The following OPCML variants were observed in gnomAD, a reference collection of about 807,000 sequenced individuals.
OPCML encodes opioid binding protein/cell adhesion molecule like.
Under a neutral mutation model 37.8 loss-of-function variants are expected in OPCML, and 13 were observed. The observed-to-expected ratio is 0.34, with a 90% CI of 0.22 to 0.55. The LOEUF (loss-of-function observed/expected upper bound fraction) is 0.55. Among genes scored for constraint, OPCML ranks in the 20% least tolerant of loss-of-function variants. The probability of loss-of-function intolerance (pLI) is 0.91; values close to 1 mark genes in which losing one functional copy is unlikely to be tolerated. For synonymous variants in OPCML, 176 were observed against 168.8 expected (o/e 1.04, Z -0.33); for missense variants, 341 against 435.6 (o/e 0.78, Z 1.93).
chr11:133,023,822 C>T (rs1272897208), intron 1 of OPCML, among the ~76,000 whole-genome samples: 1 of 152,178 alleles, frequency 6.6e-6, no homozygotes, highest in Non-Finnish European at 1.5e-5. Context: ...GAGGCTGACT[C>T]ATAGTGATGG....
At chr11:133,066,764 C>A (rs542504371) in intron 1 of OPCML, 1 of 152,246 alleles carries the variant, frequency 6.6e-6, no homozygotes, top group Admixed American at 6.5e-5. Context: ...GTGACATCCG[C>A]CTCCTGGGTT....
At chr11:133,108,400 C>T (rs1949195551) in intron 1 of OPCML, among the ~76,000 whole-genome samples, 1 of 152,154 alleles carries the variant, frequency 6.6e-6, no homozygotes. Flanking sequence ...TTGGTCTAAA[C>T]ATACCTAACG....
chr11:132,785,652 G>C (rs1282615082), intron 2 of OPCML, among the ~76,000 whole-genome samples: 2 of 152,174 alleles, frequency 1.3e-5, no homozygotes, highest in Non-Finnish European at 2.9e-5. Flanking sequence ...TCAGGTCAAT[G>C]TCCTAATGTC....
At chr11:132,903,766 G>A (rs1165646445) in intron 2 of OPCML, among the ~76,000 whole-genome samples, 7 of 152,166 alleles carry the variant, frequency 4.6e-5, no homozygotes, top group Non-Finnish European at 1.0e-4. Context: ...AGGAAACACC[G>A]TTGGGAATGC....
At chr11:133,500,113 A>G (rs906132841) in intron 1 of OPCML, among the ~76,000 whole-genome samples, 1 of 151,946 alleles carries the variant, frequency 6.6e-6, no homozygotes, top group African/African-American at 2.4e-5. Context: ...CTCATGATCC[A>G]TCCACCTCAG....
chr11:132,724,427 A>G (rs749531649), intron 2 of OPCML, among the ~76,000 whole-genome samples: 1 of 152,164 alleles, frequency 6.6e-6, no homozygotes, highest in Non-Finnish European at 1.5e-5. Flanking sequence ...TCACGAGAAC[A>G]GCATGGGAAA....
At chr11:133,449,246 T>C (rs1192645110) in intron 1 of OPCML, among the ~76,000 whole-genome samples, 5 of 152,250 alleles carry the variant, frequency 3.3e-5, no homozygotes, top group Admixed American at 3.3e-4. Context: ...AGCTTTTTTC[T>C]GCAAAAGGAC....
At chr11:133,497,467 C>A (rs749110093) in intron 1 of OPCML, among the ~76,000 whole-genome samples, 1 of 151,946 alleles carries the variant, frequency 6.6e-6, no homozygotes, top group Non-Finnish European at 1.5e-5. Context: ...TTCTCTGGTC[C>A]CCCCCGATTC....
intron 4 of OPCML, among the ~76,000 whole-genome samples, chr11:132,522,737 G>A (rs1286985187): frequency 6.6e-6 from 1 of 152,186 alleles, no homozygotes; most frequent in African/African-American, 2.4e-5. Context: ...CAGATCTCAT[G>A]CTTAGGTTGA....
intron 2 of OPCML, among the ~76,000 whole-genome samples, chr11:132,911,189 C>T (rs778999783): frequency 2.6e-5 from 4 of 152,182 alleles, no homozygotes; most frequent in African/African-American, 7.2e-5. Flanking sequence ...TCTCAACCAC[C>T]GCCATCAATA....
At chr11:133,408,610 G>A (rs1945574272) in intron 1 of OPCML, among the ~76,000 whole-genome samples, 1 of 152,210 alleles carries the variant, frequency 6.6e-6, no homozygotes, top group East Asian at 1.9e-4. Context: ...TCCTGGACAC[G>A]ACACCACCCA....
chr11:132,655,183 A>G (rs1941644699), intron 3 of OPCML, among the ~76,000 whole-genome samples: 1 of 152,212 alleles, frequency 6.6e-6, no homozygotes, highest in African/African-American at 2.4e-5. Flanking sequence ...GTTTCTCTAC[A>G]GTGCCTGACA....
At chr11:133,320,311 AAT>A (rs1054155763) in intron 1 of OPCML, among the ~76,000 whole-genome samples, 1 of 152,086 alleles carries the variant, frequency 6.6e-6, no homozygotes, top group Non-Finnish European at 1.5e-5. Context: ...CCTATTCAAT[AAT>A]AGTTATTTTT....
intron 1 of OPCML, among the ~76,000 whole-genome samples, chr11:133,403,399 C>T (rs945296673): frequency 6.6e-6 from 1 of 152,182 alleles, no homozygotes; most frequent in Non-Finnish European, 1.5e-5. Flanking sequence ...GAGTAAACGT[C>T]TGTTCAAGAC....
At chr11:132,726,132 G>C (rs1944872251) in intron 2 of OPCML, among the ~76,000 whole-genome samples, 1 of 152,134 alleles carries the variant, frequency 6.6e-6, no homozygotes, top group Admixed American at 6.5e-5. Context: ...ACATTTTTGG[G>C]TATCTTTTCA....
At chr11:133,061,733 T>C (rs945486776) in intron 1 of OPCML, among the ~76,000 whole-genome samples, 1 of 152,172 alleles carries the variant, frequency 6.6e-6, no homozygotes, top group African/African-American at 2.4e-5. Flanking sequence ...AAGGGAGAAG[T>C]TCTCCATAAT....
At chr11:133,310,208 T>G (rs530609228) in intron 1 of OPCML, among the ~76,000 whole-genome samples, 16 of 152,346 alleles carry the variant, frequency 1.1e-4, no homozygotes, top group African/African-American at 3.8e-4. Context: ...TTACTCATTT[T>G]TGTAGTGATA....
intron 1 of OPCML, among the ~76,000 whole-genome samples, chr11:133,275,988 A>G (rs1338750604): frequency 6.6e-6 from 1 of 152,216 alleles, no homozygotes; most frequent in African/African-American, 2.4e-5. Flanking sequence ...GGTAATGACA[A>G]AGAAAACAAA....
At chr11:133,494,093 T>C (rs1013414195) in intron 1 of OPCML, among the ~76,000 whole-genome samples, 1 of 151,682 alleles carries the variant, frequency 6.6e-6, no homozygotes, top group Non-Finnish European at 1.5e-5. Flanking sequence ...AGAAGACATT[T>C]ATGCAGCCAA....
Sources: gnomAD v4.1 joint callset for allele counts (sites outside exome capture counted in the v4.1 genomes callset) on GRCh38, gnomAD v4.1.1 for gene constraint, MANE v1.5 for transcripts, NCBI Gene and HGNC (gene_info 2026-07-23, HGNC 2026-07-21) for gene names.